Variants in IQCM observed in about 807,000 individuals in gnomAD.
IQCM encodes IQ domain-containing protein M.
IQCM carries 45 observed loss-of-function variants against 57.6 expected under a neutral mutation model. The ratio of observed to expected loss-of-function variants is 0.78; its 90% confidence interval spans 0.62 to 1.00. The LOEUF is 1.00. Among genes scored for constraint, IQCM ranks in the 50% least tolerant of loss-of-function variants. The pLI, the probability that IQCM is intolerant of heterozygous loss-of-function variation, is 0.00. For missense variants in IQCM, 468 were observed against 511.6 expected, an observed-to-expected ratio of 0.91 and a Z score of 0.82; for synonymous variants, 148 against 158.9, an observed-to-expected ratio of 0.93 and a Z score of 0.51.
chr4:149,417,392 A>G (rs1208353355), intron 13 of IQCM, among the ~76,000 whole-genome samples: 2 of 152,058 alleles, frequency 1.3e-5, no homozygotes, highest in African/African-American at 4.8e-5. Flanking sequence ...GTCAGATCGG[A>G]AGTGAAGTAC....
intron 12 of IQCM, among the ~76,000 whole-genome samples, chr4:149,467,293 G>A (rs1164266504): frequency 6.6e-6 from 1 of 152,162 alleles, no homozygotes; most frequent in African/African-American, 2.4e-5. Flanking sequence ...TAAGTTAAGA[G>A]TGTTGGGAAC....
chr4:149,811,730 A>G (rs1024214547), intron 2 of IQCM, among the ~76,000 whole-genome samples: 1 of 152,154 alleles, frequency 6.6e-6, no homozygotes, highest in Non-Finnish European at 1.5e-5. Context: ...CGAGGACTAA[A>G]TTATTTCCTT....
chr4:149,762,610 C>T (rs1769639764), intron 2 of IQCM, among the ~76,000 whole-genome samples: 1 of 152,016 alleles, frequency 6.6e-6, no homozygotes, highest in South Asian at 2.1e-4. Context: ...CTCATCTCTC[C>T]TCTCTATAAG....
At chr4:149,483,361 G>A in intron 12 of IQCM, among the ~76,000 whole-genome samples, 1 of 151,356 alleles carries the variant, frequency 6.6e-6, no homozygotes, top group Middle Eastern at 3.4e-3. Flanking sequence ...GTATATTATT[G>A]GATATTTATT....
intron 13 of IQCM, among the ~76,000 whole-genome samples, chr4:149,378,029 G>A (rs1371198265): frequency 6.6e-6 from 1 of 152,126 alleles, no homozygotes; most frequent in Non-Finnish European, 1.5e-5. Flanking sequence ...TCTCATGGTG[G>A]TGAATAAGTC....
chr4:149,673,628 C>T (rs971300699), intron 7 of IQCM, among the ~76,000 whole-genome samples: 3 of 151,710 alleles, frequency 2.0e-5, no homozygotes, highest in Non-Finnish European at 2.9e-5. Context: ...TAAAGCAAGT[C>T]CTTAGAGACC....
At chr4:149,706,971 G>A (rs1166261688) in intron 5 of IQCM, among the ~76,000 whole-genome samples, 1 of 151,982 alleles carries the variant, frequency 6.6e-6, no homozygotes, top group Non-Finnish European at 1.5e-5. Flanking sequence ...AAGGCCTTTA[G>A]AAATAAACAG....
At chr4:149,566,583 T>C (rs147804082) in intron 9 of IQCM, among the ~76,000 whole-genome samples, 8 of 151,976 alleles carry the variant, frequency 5.3e-5, no homozygotes, top group African/African-American at 1.4e-4. Flanking sequence ...AGAGAGAGAA[T>C]TGAAAGTTAT....
chr4:149,659,826 T>C (rs1234640166), intron 7 of IQCM, among the ~76,000 whole-genome samples: 3 of 151,428 alleles, frequency 2.0e-5, no homozygotes, highest in Admixed American at 6.6e-5. Flanking sequence ...ATACAAAAAT[T>C]AATTCAAGAT....
rs1042767438 is a variant in IQCM at position 149,494,420 on chromosome 4, A to T, written c.1228+54035T>A. Among the ~76,000 whole-genome samples the T allele has an allele frequency of 3.3e-5, 5 of 152,126 alleles. No homozygotes were observed. In the East Asian group the frequency reaches 9.6e-4, roughly 29 times the overall value. On this transcript the variant is annotated intron_variant, in intron 12 of 13. Coordinates refer to ENST00000636793, the MANE Select transcript of IQCM (RefSeq NM_001363507.2). Reference sequence around the variant, plus strand: ...TTGTTGCCTTCAGTAATTTCAATACACTAAAGTCCCTAATGAGATTGTACT... The same window carrying T: ...TTGTTGCCTTCAGTAATTTCAATACTCTAAAGTCCCTAATGAGATTGTACT...
At chr4:149,594,017 G>A (rs1034949569) in intron 8 of IQCM, among the ~76,000 whole-genome samples, 19 of 152,124 alleles carry the variant, frequency 1.2e-4, no homozygotes, top group South Asian at 6.2e-4. Flanking sequence ...GATTGGAATC[G>A]TTTCAGAAGG....
At chr4:149,538,124 G>T (rs1261733489) in intron 12 of IQCM, among the ~76,000 whole-genome samples, 1 of 151,120 alleles carries the variant, frequency 6.6e-6, no homozygotes, top group African/African-American at 2.4e-5. Flanking sequence ...AAAGATATCT[G>T]CAAATGTCTT....
intron 12 of IQCM, among the ~76,000 whole-genome samples, chr4:149,513,166 C>A (rs1221053017): frequency 1.3e-5 from 2 of 152,122 alleles, no homozygotes; most frequent in Non-Finnish European, 2.9e-5. Context: ...CATTTTGCTT[C>A]TAAAGGGTAT....
chr4:149,619,131 TAC>T lies in IQCM; in HGVS notation c.681+1996_681+1997del, dbSNP rs1554008940. ...GGATATATATATATATATATATATA[TAC>T]ACCATGGAATACTACTCAGTCATAT... On this transcript the variant is annotated intron_variant, in intron 8 of 13. Transcript: ENST00000636793. 2.0e-3 allele frequency among the ~76,000 whole-genome samples: 278 copies of T among 141,814 alleles called. 5 individuals carry two copies. Among genetic ancestry groups the T allele is most frequent in the African/African-American group, 7.3e-3 (259 of 35,438 alleles). 93.0% of individuals were successfully genotyped at this position (141,814 alleles called of 152,430 possible). A position where few individuals can be genotyped will look rare whatever the true frequency, so the allele number is the denominator to read the frequency against.
At chr4:149,467,519 G>T (rs1738984615) in intron 12 of IQCM, among the ~76,000 whole-genome samples, 1 of 152,176 alleles carries the variant, frequency 6.6e-6, no homozygotes. Flanking sequence ...ATGTTTTTCA[G>T]CTAGGACTTC....
intron 13 of IQCM, among the ~76,000 whole-genome samples, chr4:149,358,815 G>C (rs1407811763): frequency 2.4e-5 from 2 of 81,900 alleles, no homozygotes; most frequent in Non-Finnish European, 5.7e-5. Context: ...CCACCCAAAA[G>C]AGGGAGTGTA....
intron 12 of IQCM, among the ~76,000 whole-genome samples, chr4:149,511,352 C>G (rs1222185300): frequency 6.6e-6 from 1 of 150,696 alleles, no homozygotes; most frequent in Admixed American, 6.6e-5. Context: ...AACCTCATGT[C>G]TACTAACAAT....
chr4:149,478,663 A>G (rs541933889), intron 12 of IQCM, among the ~76,000 whole-genome samples: 1 of 152,254 alleles, frequency 6.6e-6, no homozygotes, highest in Admixed American at 6.5e-5. Flanking sequence ...AGACGCAGGA[A>G]ATAGCACTGT....
At chr4:149,719,084 C>T (rs529115443) in intron 5 of IQCM, among the ~76,000 whole-genome samples, 1 of 152,120 alleles carries the variant, frequency 6.6e-6, no homozygotes, top group Non-Finnish European at 1.5e-5. Context: ...GTGGCTCATG[C>T]CTGTAATCCC....
Sources: gnomAD v4.1 joint callset for allele counts (sites outside exome capture counted in the v4.1 genomes callset) on GRCh38, gnomAD v4.1.1 for gene constraint, MANE v1.5 for transcripts, NCBI Gene and HGNC (gene_info 2026-07-23, HGNC 2026-07-21) for gene names.